Variants in WDFY3 observed in about 807,000 individuals in gnomAD.
The protein encoded by WDFY3 is WD repeat and FYVE domain containing 3.
WDFY3 carries 66 observed loss-of-function variants against 409.6 expected under a neutral mutation model. The observed-to-expected ratio is 0.16, with a 90% CI of 0.13 to 0.20. WDFY3 has a LOEUF of 0.20. WDFY3 is among the 10% of genes least tolerant of loss of function. The probability of loss-of-function intolerance (pLI) is 1.00; values close to 1 mark genes in which losing one functional copy is unlikely to be tolerated. For missense variants in WDFY3, 3,031 were observed against 4,298.1 expected (o/e 0.71, Z 8.24); for synonymous variants, 1,521 against 1,537.1 (o/e 0.99, Z 0.25).
chr4:84,876,013 A>G (rs1560980921), intron 3 of WDFY3, among the ~76,000 whole-genome samples: 1 of 152,224 alleles, frequency 6.6e-6, no homozygotes, highest in East Asian at 1.9e-4. Flanking sequence ...AACCAGTAAC[A>G]TGGTAATTTA....
At chr4:84,779,984 T>C in intron 26 of WDFY3, 124 bp downstream of exon 26, 3 of 1,086,182 alleles carry the variant, frequency 2.8e-6, no homozygotes, top group Non-Finnish European at 3.8e-6. Context: ...ATAAAACTAC[T>C]GTCTCTTTAA....
chr4:84,682,296 G>C, intron 64 of WDFY3, 78 bp downstream of exon 64: 1 of 1,370,852 alleles, frequency 7.3e-7, no homozygotes, highest in East Asian at 2.4e-5. Flanking sequence ...TCTTTATGTT[G>C]TTTGGTATAA....
chr4:84,793,856 ATG>A (rs1395812855), intron 21 of WDFY3, among the ~76,000 whole-genome samples: 5 of 152,232 alleles, frequency 3.3e-5, no homozygotes, highest in African/African-American at 1.2e-4. Flanking sequence ...GTCAATTAAT[ATG>A]TGATATTATT....
At chr4:84,898,069 C>T (rs753732777) in intron 2 of WDFY3, among the ~76,000 whole-genome samples, 17 of 152,108 alleles carry the variant, frequency 1.1e-4, no homozygotes, top group Non-Finnish European at 2.1e-4. Flanking sequence ...CAGCCACTAC[C>T]TACATGTGGC....
intron 2 of WDFY3, among the ~76,000 whole-genome samples, chr4:84,905,975 C>T (rs1242559507): frequency 1.3e-5 from 2 of 152,172 alleles, no homozygotes; most frequent in Non-Finnish European, 2.9e-5. Flanking sequence ...CCTCTATCAC[C>T]TCATCTGCAT....
chr4:84,849,189 T>C (rs1758524272), intron 5 of WDFY3, among the ~76,000 whole-genome samples: 1 of 152,022 alleles, frequency 6.6e-6, no homozygotes, highest in South Asian at 2.1e-4. Flanking sequence ...ACAATGTGAA[T>C]AGTGATGTTA....
At chr4:84,788,608 A>G (rs1161708034) in intron 22 of WDFY3, among the ~76,000 whole-genome samples, 1 of 152,230 alleles carries the variant, frequency 6.6e-6, no homozygotes, top group Non-Finnish European at 1.5e-5. Context: ...ATATTGAAAC[A>G]CAATGTCACA....
intron 4 of WDFY3, among the ~76,000 whole-genome samples, chr4:84,859,864 C>T (rs982209464): frequency 6.6e-6 from 1 of 152,174 alleles, no homozygotes; most frequent in African/African-American, 2.4e-5. Flanking sequence ...CGTGAGCCAC[C>T]ACGCCTGGCC....
chr4:84,963,401 G>A (rs1165100459), intron 1 of WDFY3, among the ~76,000 whole-genome samples: 1 of 150,628 alleles, frequency 6.6e-6, no homozygotes, highest in East Asian at 2.0e-4. Context: ...CTCCAGCCTG[G>A]GCAACACAGC....
chr4:84,784,354 C>T (rs1035839551), intron 24 of WDFY3, among the ~76,000 whole-genome samples: 4 of 152,110 alleles, frequency 2.6e-5, no homozygotes, highest in African/African-American at 9.7e-5. Flanking sequence ...ATGTCTAATA[C>T]ACTTCTCAAA....
At chr4:84,707,650 C>A (rs1194940676) in intron 53 of WDFY3, among the ~76,000 whole-genome samples, 1 of 152,148 alleles carries the variant, frequency 6.6e-6, no homozygotes, top group Non-Finnish European at 1.5e-5. Context: ...TCTCAGAAAA[C>A]CACATTTCTT....
At chr4:84,839,133 A>T (rs1030057242) in intron 6 of WDFY3, among the ~76,000 whole-genome samples, 3 of 152,206 alleles carry the variant, frequency 2.0e-5, no homozygotes, top group African/African-American at 7.2e-5. Context: ...TTAAAGTATA[A>T]CTTGGCATCT....
At chr4:84,963,616 G>A (rs1775219019) in intron 1 of WDFY3, among the ~76,000 whole-genome samples, 1 of 152,122 alleles carries the variant, frequency 6.6e-6, no homozygotes, top group Admixed American at 6.5e-5. Flanking sequence ...TGGGGGTCCA[G>A]GGCTCTAAAA....
At chr4:84,930,358 T>C (rs1047967695) in intron 2 of WDFY3, among the ~76,000 whole-genome samples, 1 of 152,180 alleles carries the variant, frequency 6.6e-6, no homozygotes, top group African/African-American at 2.4e-5. Context: ...TAATCTAATC[T>C]ACTCATTTCA....
At chr4:84,890,580 C>A (rs932132454) in intron 3 of WDFY3, among the ~76,000 whole-genome samples, 4 of 152,296 alleles carry the variant, frequency 2.6e-5, no homozygotes, top group Admixed American at 2.6e-4. Flanking sequence ...ATGACTGGAG[C>A]AAGCAGCAGT....
chr4:84,844,462 G>T, intron 5 of WDFY3: 1 of 1,289,554 alleles, frequency 7.8e-7, no homozygotes. Flanking sequence ...TTACCTGAAG[G>T]TGTTGTGGCT....
At chr4:84,926,998 T>C (rs1344378290) in intron 2 of WDFY3, among the ~76,000 whole-genome samples, 1 of 152,230 alleles carries the variant, frequency 6.6e-6, no homozygotes, top group Non-Finnish European at 1.5e-5. Context: ...AGAAATCCTA[T>C]TAAATTATGT....
intron 1 of WDFY3, among the ~76,000 whole-genome samples, chr4:84,962,621 T>A (rs933757274): frequency 3.9e-5 from 6 of 152,066 alleles, no homozygotes; most frequent in African/African-American, 9.7e-5. Flanking sequence ...TTTCACTACA[T>A]GTAAATTATG....
At chr4:84,693,557 A>G (rs1037710181) in intron 58 of WDFY3, among the ~76,000 whole-genome samples, 1 of 152,226 alleles carries the variant, frequency 6.6e-6, no homozygotes, top group Non-Finnish European at 1.5e-5. Context: ...AAGGGAAAAA[A>G]GAAAACAAAA....
Sources: allele counts gnomAD v4.1 joint callset (sites outside exome capture counted in the v4.1 genomes callset), GRCh38; gene constraint gnomAD v4.1.1; transcripts MANE v1.5; gene names NCBI Gene and HGNC (gene_info 2026-07-23, HGNC 2026-07-21).